HELQ: variants seen among roughly 807,000 people sequenced by gnomAD.
The protein encoded by HELQ is helicase POLQ-like.
In HELQ, 77 loss-of-function variants were observed where a neutral mutation model predicts 111.6. The observed-to-expected ratio is 0.69, with a 90% CI of 0.57 to 0.83. The LOEUF is 0.83. Among genes scored for constraint, HELQ ranks in the 40% least tolerant of loss-of-function variants. The probability of loss-of-function intolerance (pLI) is 0.00; values close to 1 mark genes in which losing one functional copy is unlikely to be tolerated. For synonymous variants in HELQ, 438 were observed against 454.7 expected, an observed-to-expected ratio of 0.96 and a Z score of 0.47; for missense variants, 1,200 against 1,288.5, an observed-to-expected ratio of 0.93 and a Z score of 1.05.
At chr4:83,438,835 G>C (rs1221632250) in intron 8 of HELQ, among the ~76,000 whole-genome samples, 1 of 151,250 alleles carries the variant, frequency 6.6e-6, no homozygotes, top group Non-Finnish European at 1.5e-5. Flanking sequence ...TTAGTCCTTT[G>C]ACTGACTAAG....
At chr4:83,407,742 T>C (rs1347717835) in intron 17 of HELQ, among the ~76,000 whole-genome samples, 182 bp from the exon 18 acceptor site, 6 of 152,190 alleles carry the variant, frequency 3.9e-5, no homozygotes, top group African/African-American at 7.2e-5. Context: ...AGATGAGGCA[T>C]TTAGTTAAAA....
intron 8 of HELQ, among the ~76,000 whole-genome samples, chr4:83,437,743 T>C (rs1249144561): frequency 2.0e-5 from 3 of 152,176 alleles, no homozygotes; most frequent in South Asian, 2.1e-4. Context: ...GTTTAGACCT[T>C]TGCTCTGGAT....
chr4:83,420,120 A>G (rs1321331270), intron 15 of HELQ, among the ~76,000 whole-genome samples: 1 of 152,252 alleles, frequency 6.6e-6, no homozygotes, highest in Non-Finnish European at 1.5e-5. Context: ...TATTATAAAC[A>G]CATAAAAAAA....
rs1719957678 is a variant in HELQ, at chr4:83,428,406, C to T, written c.2519-686G>A. ...TGAAACCCCATCTCCACTAAAAATA[C>T]AAAAATTAGTCAGGCATGGTGACAT... On this transcript the variant is annotated intron_variant, in intron 12 of 17. Transcript: ENST00000295488. Among the ~76,000 whole-genome samples, 6 of 151,772 alleles carry T rather than the reference C, an allele frequency of 4.0e-5. No homozygotes were observed. The South Asian group carries it at 1.2e-3, about 32-fold the overall frequency.
chr4:83,445,156 C>T (rs368071383), intron 5 of HELQ, among the ~76,000 whole-genome samples: 10 of 152,140 alleles, frequency 6.6e-5, no homozygotes, highest in African/African-American at 2.2e-4. Flanking sequence ...GGCTGAAGAA[C>T]GGCTTTGAAG....
chr4:83,416,013 C>T (rs921680199), intron 17 of HELQ, among the ~76,000 whole-genome samples: 1 of 148,702 alleles, frequency 6.7e-6, no homozygotes, highest in African/African-American at 2.5e-5. Context: ...GTGGTATGAT[C>T]TCGGCTCACT....
At chr4:83,425,833 G>C (rs1719819639) in intron 14 of HELQ, among the ~76,000 whole-genome samples, 161 bp downstream of exon 14, 1 of 152,062 alleles carries the variant, frequency 6.6e-6, no homozygotes, top group Non-Finnish European at 1.5e-5. Context: ...TGGGTGCTCA[G>C]GTATGTTTTA....
intron 17 of HELQ, among the ~76,000 whole-genome samples, chr4:83,413,802 T>A (rs1739226036): frequency 6.6e-6 from 1 of 152,198 alleles, no homozygotes; most frequent in Admixed American, 6.5e-5. Context: ...AAAGGCCATA[T>A]GTAGTTGCTC....
chr4:83,447,008 C>G lies in HELQ; in HGVS notation c.1219G>C (p.Glu407Gln). The G allele has an allele frequency of 6.2e-7, 1 of 1,613,176 alleles. No individual in the cohort carries two copies. Reference sequence around the variant, plus strand: ...TATTCTTCAACAAAGAAACCGAGTTCTATACCAAAACTTGACAAACCTGAA... The same window carrying G: ...TATTCTTCAACAAAGAAACCGAGTTGTATACCAAAACTTGACAAACCTGAA... The part of the protein sequence containing the change: ...KISGLSSFGI[E>Q]LGFFVEEYAG... Residue 407 changes from glutamate to glutamine, a missense_variant, in exon 4 of 18, where the codon GAA becomes CAA. Coordinates refer to ENST00000295488, the MANE Select transcript of HELQ (RefSeq NM_133636.5).
At chr4:83,423,112 A>G (rs562872598) in intron 14 of HELQ, among the ~76,000 whole-genome samples, 1 of 152,166 alleles carries the variant, frequency 6.6e-6, no homozygotes, top group Non-Finnish European at 1.5e-5. Flanking sequence ...AAAAAGATGA[A>G]CTTAAAAAAG....
chr4:83,448,031 G>A (rs1721146254), intron 3 of HELQ, among the ~76,000 whole-genome samples: 1 of 151,804 alleles, frequency 6.6e-6, no homozygotes, highest in African/African-American at 2.4e-5. Context: ...CCAACATGAT[G>A]AAAACCCATC....
chr4:83,447,507 C>A (rs1721115556), intron 3 of HELQ, among the ~76,000 whole-genome samples: 1 of 152,142 alleles, frequency 6.6e-6, no homozygotes, highest in African/African-American at 2.4e-5. Context: ...TCGATCTTTG[C>A]AAAATAAATG....
chr4:83,446,866 A>G lies in HELQ; in HGVS notation c.1361T>C (p.Ile454Thr), dbSNP rs753333159. ...LVNSLIETGR[I>T]DSLGLVVVDE... ...TACAACAACCAGACCCAGACTGTCA[A>G]TTCTTCCAGTTTCAATCAAGGAGTT... is the stretch of plus-strand genomic sequence containing the variant. The change falls in exon 4 of 18, where the codon ATT becomes ACT. Residue 454 changes from isoleucine (I) to threonine (T), a missense_variant. Ile to Thr is a moderately conservative substitution (Grantham distance 89). This residue lies in a region of HELQ where 610 missense variants were observed against 607.1 expected (regional missense o/e 1.00). Transcript: ENST00000295488. 7.4e-6 allele frequency: 12 copies of G among 1,613,540 alleles called. No individual in the cohort carries two copies. Among genetic ancestry groups the G allele is most frequent in the South Asian group, 6.6e-5 (6 of 91,064 alleles).
At chr4:83,432,042 T>C (rs764924070) in intron 10 of HELQ, 84 bp downstream of exon 10, 4 of 844,288 alleles carry the variant, frequency 4.7e-6, no homozygotes, top group Non-Finnish European at 6.9e-6. Context: ...TAATAATTAA[T>C]TTTTAAAAGA....
At chr4:83,448,324 G>A (rs573143881) in intron 3 of HELQ, among the ~76,000 whole-genome samples, 2 of 152,282 alleles carry the variant, frequency 1.3e-5, no homozygotes, top group African/African-American at 4.8e-5. Context: ...AGATATTTTA[G>A]GTAGTGTATA....
chr4:83,414,239 T>C (rs985035520), intron 17 of HELQ, among the ~76,000 whole-genome samples: 1 of 152,190 alleles, frequency 6.6e-6, no homozygotes, highest in Non-Finnish European at 1.5e-5. Flanking sequence ...CAGTACATTG[T>C]AGGCAGCTTC....
At chr4:83,419,631 A>C (rs1204302105) in intron 15 of HELQ, among the ~76,000 whole-genome samples, 1 of 151,746 alleles carries the variant, frequency 6.6e-6, no homozygotes, top group African/African-American at 2.4e-5. Flanking sequence ...ATAAGGCTCA[A>C]GTCCTCATAG....
chr4:83,423,000 A>G (rs1027848934), intron 14 of HELQ, among the ~76,000 whole-genome samples: 3 of 152,236 alleles, frequency 2.0e-5, no homozygotes, highest in Non-Finnish European at 4.4e-5. Context: ...GATGATTTCG[A>G]TTCTGTATAC....
intron 14 of HELQ, among the ~76,000 whole-genome samples, chr4:83,425,213 G>T (rs1719782268): frequency 6.6e-6 from 1 of 151,114 alleles, no homozygotes; most frequent in Non-Finnish European, 1.5e-5. Context: ...CTGGAAGGTG[G>T]AGGTGTCAGT....
Sources: gnomAD v4.1 joint callset for allele counts (sites outside exome capture counted in the v4.1 genomes callset) on GRCh38, gnomAD v4.1.1 for gene constraint, gnomAD v4.1.1 regional missense constraint, MANE v1.5 for transcripts, NCBI Gene and HGNC (gene_info 2026-07-23, HGNC 2026-07-21) for gene names.